The following ADGRB3 variants were observed in gnomAD, a reference collection of about 807,000 sequenced individuals.
ADGRB3 encodes adhesion G protein-coupled receptor B3, also known as brain-specific angiogenesis inhibitor 3.
ADGRB3 carries 37 observed loss-of-function variants against 193.4 expected under a neutral mutation model. The observed-to-expected ratio is 0.19, with a 90% CI of 0.15 to 0.25. The LOEUF is 0.25. Among genes scored for constraint, ADGRB3 ranks in the 10% least tolerant of loss-of-function variants. The pLI, the probability that ADGRB3 is intolerant of heterozygous loss-of-function variation, is 1.00. For synonymous variants in ADGRB3, 690 were observed against 644.2 expected (o/e 1.07, Z -1.08); for missense variants, 1,637 against 1,852.9 (o/e 0.88, Z 2.14).
chr6:68,838,726 C>A (rs1029681516), intron 3 of ADGRB3, among the ~76,000 whole-genome samples: 1 of 152,170 alleles, frequency 6.6e-6, no homozygotes, highest in African/African-American at 2.4e-5. Context: ...TGCTTTACCT[C>A]TCCATGCTTG....
intron 29 of ADGRB3, among the ~76,000 whole-genome samples, chr6:69,366,464 C>T (rs528234775): frequency 8.5e-5 from 13 of 152,146 alleles, no homozygotes; most frequent in South Asian, 6.2e-4. Context: ...TTTGCAGTGA[C>T]GAAAATAATG....
chr6:69,346,394 A>T (rs1215467630), intron 26 of ADGRB3, among the ~76,000 whole-genome samples: 2 of 152,210 alleles, frequency 1.3e-5, no homozygotes, highest in Non-Finnish European at 2.9e-5. Context: ...ACAGATATAT[A>T]GACTAATGGA....
intron 17 of ADGRB3, among the ~76,000 whole-genome samples, chr6:69,184,797 C>T (rs1383521181): frequency 6.6e-6 from 1 of 152,028 alleles, no homozygotes; most frequent in East Asian, 1.9e-4. Flanking sequence ...TGGGGCAGAA[C>T]AGTATCCTTT....
At chr6:69,214,607 G>A (rs1010444175) in intron 17 of ADGRB3, among the ~76,000 whole-genome samples, 4 of 151,864 alleles carry the variant, frequency 2.6e-5, no homozygotes, top group Non-Finnish European at 4.4e-5. Context: ...TTAAAATTAC[G>A]GTGAGCAGAG....
chr6:68,797,532 A>G (rs1379635512), intron 3 of ADGRB3, among the ~76,000 whole-genome samples: 1 of 152,122 alleles, frequency 6.6e-6, no homozygotes, highest in African/African-American at 2.4e-5. Context: ...ATCTTTGGAA[A>G]GTAGGGAAGT....
intron 15 of ADGRB3, among the ~76,000 whole-genome samples, chr6:69,060,249 T>TCTCTCTCTCTCC (rs746970123): frequency 6.9e-6 from 1 of 145,408 alleles, no homozygotes; most frequent in African/African-American, 2.5e-5. Context: ...TCTCTCTCTC[T>TCTCTCTCTCTCC]CCTCCTCTGT....
rs566725132 is a variant in ADGRB3, at chr6:68,853,374, G to A, written c.758-77185G>A. ...GCTTGATACTTAATAACCATAAGTT[G>A]AAATAAATGAATGGTTTCATTCATT... On this transcript the variant is annotated intron_variant, in intron 3 of 31. Transcript: ENST00000370598. Among the ~76,000 whole-genome samples, 17 of 152,088 alleles carry A rather than the reference G, an allele frequency of 1.1e-4. No homozygotes were observed. The South Asian group carries it at 2.5e-3, about 22-fold the overall frequency.
intron 13 of ADGRB3, among the ~76,000 whole-genome samples, chr6:69,034,091 C>A (rs1770793546): frequency 6.6e-6 from 1 of 151,956 alleles, no homozygotes; most frequent in Admixed American, 6.6e-5. Context: ...AAAGCATTTT[C>A]TTTATTACTA....
At chr6:69,206,547 T>A (rs1765545443) in intron 17 of ADGRB3, among the ~76,000 whole-genome samples, 1 of 152,148 alleles carries the variant, frequency 6.6e-6, no homozygotes, top group Admixed American at 6.5e-5. Context: ...AAGGTCATAA[T>A]TATGTCTAAC....
chr6:68,889,310 C>T (rs1247275541), intron 3 of ADGRB3, among the ~76,000 whole-genome samples: 1 of 152,048 alleles, frequency 6.6e-6, no homozygotes, highest in African/African-American at 2.4e-5. Context: ...AAGGTAGCAT[C>T]TTAGAACAAT....
At position 69,124,317 on chromosome 6, in the gene ADGRB3, C is replaced by A. The variant is rs1266869437; in HGVS notation, c.2480+48279C>A. On this transcript the variant is annotated intron_variant, in intron 17 of 31. Transcript: ENST00000370598. Reference sequence around the variant, plus strand: ...CTCATAATTGTTAACACTTCTGTTACATGAATTGATGGGATTTCTCTATTT... The same window carrying A: ...CTCATAATTGTTAACACTTCTGTTAAATGAATTGATGGGATTTCTCTATTT... Among the ~76,000 whole-genome samples the A allele has an allele frequency of 3.9e-5, 6 of 152,240 alleles. No individual in the cohort carries two copies. In the South Asian group the frequency reaches 1.2e-3, roughly 32 times the overall value.
At chr6:68,713,558 A>G (rs1259090002) in intron 3 of ADGRB3, among the ~76,000 whole-genome samples, 1 of 151,748 alleles carries the variant, frequency 6.6e-6, no homozygotes, top group Non-Finnish European at 1.5e-5. Flanking sequence ...TCATAACTCT[A>G]TCTAACATTT....
chr6:68,807,580 G>A (rs1767431684), intron 3 of ADGRB3, among the ~76,000 whole-genome samples: 1 of 151,896 alleles, frequency 6.6e-6, no homozygotes, highest in Admixed American at 6.6e-5. Context: ...TGAGTGATAT[G>A]TTTTCTGCTT....
chr6:69,168,681 CA>C (rs750624915), intron 17 of ADGRB3, among the ~76,000 whole-genome samples: 1 of 151,934 alleles, frequency 6.6e-6, no homozygotes, highest in Non-Finnish European at 1.5e-5. Context: ...AATTTTAATG[CA>C]AATCAATTGC....
In ADGRB3 at chr6:68,941,636, A is replaced by G. The variant is rs369573796; in HGVS notation, c.1031-2194A>G. On this transcript the variant is annotated intron_variant, in intron 5 of 31. Transcript: ENST00000370598. ...TTACATAGCATCATTAACTTTTTATATAGGAGGAGAAAATAGGAGGAGAAA... is the reference window on the plus strand; with the variant it reads ...TTACATAGCATCATTAACTTTTTATGTAGGAGGAGAAAATAGGAGGAGAAA... 5.3e-5 allele frequency among the ~76,000 whole-genome samples: 8 copies of G among 152,086 alleles called. No homozygotes were observed. The East Asian group carries it at 1.5e-3, about 29-fold the overall frequency.
chr6:68,814,490 C>T (rs192497462), intron 3 of ADGRB3, among the ~76,000 whole-genome samples: 6 of 152,246 alleles, frequency 3.9e-5, no homozygotes, highest in African/African-American at 1.4e-4. Flanking sequence ...TTCTCCCATT[C>T]TGTAGGTTGC....
intron 3 of ADGRB3, among the ~76,000 whole-genome samples, chr6:68,792,282 G>A (rs560082922): frequency 2.0e-5 from 3 of 152,300 alleles, no homozygotes; most frequent in Admixed American, 6.5e-5. Context: ...TGAGGAACTA[G>A]CATGACACTA....
chr6:68,914,522 C>T (rs1225934097), intron 3 of ADGRB3, among the ~76,000 whole-genome samples: 1 of 152,120 alleles, frequency 6.6e-6, no homozygotes, highest in African/African-American at 2.4e-5. Context: ...CAGGCCTGCC[C>T]TAAAGGAGCT....
chr6:69,099,451 C>A (rs534158168), intron 17 of ADGRB3, among the ~76,000 whole-genome samples: 1 of 152,284 alleles, frequency 6.6e-6, no homozygotes, highest in East Asian at 1.9e-4. Flanking sequence ...TTCAGAGACT[C>A]CTGCTATGTT....
Sources: gnomAD v4.1 joint callset for allele counts (sites outside exome capture counted in the v4.1 genomes callset) on GRCh38, gnomAD v4.1.1 for gene constraint, MANE v1.5 for transcripts, NCBI Gene and HGNC (gene_info 2026-07-23, HGNC 2026-07-21) for gene names.